Variants in MKX observed in about 807,000 individuals in gnomAD.
The protein encoded by MKX is homeobox protein Mohawk.
A neutral mutation model predicts 36.0 loss-of-function variants in MKX; 13 were observed. The observed-to-expected ratio is 0.36, with a 90% CI of 0.24 to 0.57. The LOEUF is 0.57. Ranked by LOEUF, MKX falls within the 20% of genes least tolerant of loss-of-function variation. MKX has a pLI of 0.79. For synonymous variants in MKX, 176 were observed against 178.3 expected (o/e 0.99, Z 0.10); for missense variants, 458 against 456.4 (o/e 1.00, Z -0.03).
intron 5 of MKX, among the ~76,000 whole-genome samples, chr10:27,696,031 T>G (rs1400008312): frequency 1.3e-5 from 2 of 152,200 alleles, no homozygotes; most frequent in African/African-American, 4.8e-5. Flanking sequence ...TCTTGTAGGA[T>G]TCATGCCTTT....
At chr10:27,734,382 A>C (rs1356983833) in intron 5 of MKX, 74 bp downstream of exon 5, 2 of 1,313,330 alleles carry the variant, frequency 1.5e-6, no homozygotes, top group South Asian at 2.7e-5. Flanking sequence ...CTGTTAAAAT[A>C]AATCCCTCTG....
chr10:27,705,080 G>A (rs1836725120), intron 5 of MKX, among the ~76,000 whole-genome samples: 1 of 152,066 alleles, frequency 6.6e-6, no homozygotes, highest in South Asian at 2.1e-4. Flanking sequence ...AACATACAGA[G>A]GTGCTCAGAC....
intron 5 of MKX, among the ~76,000 whole-genome samples, chr10:27,678,309 A>C (rs1430568229): frequency 6.6e-6 from 1 of 152,230 alleles, no homozygotes; most frequent in Admixed American, 6.5e-5. Flanking sequence ...AAAATGAGTT[A>C]GGCCTTTGCT....
At chr10:27,727,181 C>T (rs1406237877) in intron 5 of MKX, among the ~76,000 whole-genome samples, 1 of 152,206 alleles carries the variant, frequency 6.6e-6, no homozygotes, top group Non-Finnish European at 1.5e-5. Flanking sequence ...CCTAAAATAT[C>T]TGTACAGTTT....
chr10:27,721,561 T>A (rs1187681246), intron 5 of MKX, among the ~76,000 whole-genome samples: 1 of 152,004 alleles, frequency 6.6e-6, no homozygotes, highest in Non-Finnish European at 1.5e-5. Context: ...CTCTTATAAG[T>A]GGGAGCTGAA....
At chr10:27,706,244 T>C (rs1054170877) in intron 5 of MKX, among the ~76,000 whole-genome samples, 2 of 152,140 alleles carry the variant, frequency 1.3e-5, no homozygotes, top group African/African-American at 4.8e-5. Context: ...TATTCAAATA[T>C]ATATATATAT....
At chr10:27,684,702 C>T (rs1416729252) in intron 5 of MKX, among the ~76,000 whole-genome samples, 4 of 152,260 alleles carry the variant, frequency 2.6e-5, no homozygotes, top group South Asian at 2.1e-4. Context: ...CAGCTTCATC[C>T]AACTTAAACT....
At chr10:27,715,227 T>A (rs1010208710) in intron 5 of MKX, among the ~76,000 whole-genome samples, 1 of 151,654 alleles carries the variant, frequency 6.6e-6, no homozygotes, top group Admixed American at 6.6e-5. Context: ...GGACACTGTG[T>A]TATGTTGCTG....
intron 2 of MKX, 106 bp downstream of exon 2, chr10:27,743,122 C>T (rs1834946887): frequency 7.0e-6 from 8 of 1,138,350 alleles, no homozygotes; most frequent in East Asian, 3.2e-5. Context: ...GAACTCCGGG[C>T]CCTTTCCCGT....
chr10:27,700,036 A>C (rs935190306), intron 5 of MKX, among the ~76,000 whole-genome samples: 1 of 152,200 alleles, frequency 6.6e-6, no homozygotes, highest in Non-Finnish European at 1.5e-5. Flanking sequence ...AAACTTTTGG[A>C]GGGAATGACA....
Position 27,701,298 on chromosome 10 carries a change from C to T in MKX, c.839-25744G>A, listed in dbSNP as rs144117537. 2.7e-5 allele frequency among the ~76,000 whole-genome samples: 4 copies of T among 149,446 alleles called. No homozygotes were observed. In the East Asian group the frequency reaches 7.8e-4, roughly 29 times the overall value. The stretch of plus-strand genomic sequence containing the variant: ...TAAAGAACTGAAGCGGTGCACATCA[C>T]GGCACGCAGCGCATTCTCACGTGAT... On this transcript the variant is annotated intron_variant, in intron 5 of 6. Transcript: ENST00000419761.
intron 5 of MKX, among the ~76,000 whole-genome samples, chr10:27,701,812 T>C (rs1252629085): frequency 5.0e-5 from 2 of 39,778 alleles, no homozygotes; most frequent in East Asian, 1.6e-3. Flanking sequence ...ACAGTTATTT[T>C]GTGTGTGTGT....
intron 5 of MKX, among the ~76,000 whole-genome samples, chr10:27,732,000 T>A (rs577600080): frequency 3.6e-4 from 55 of 151,846 alleles, no homozygotes; most frequent in African/African-American, 1.3e-3. Flanking sequence ...CATTTTTTTT[T>A]ATTTGCCTAT....
At chr10:27,715,261 A>G (rs1321379165) in intron 5 of MKX, among the ~76,000 whole-genome samples, 1 of 152,176 alleles carries the variant, frequency 6.6e-6, no homozygotes, top group Non-Finnish European at 1.5e-5. Flanking sequence ...CTCTACAGAG[A>G]TGTTCAGTGT....
intron 4 of MKX, among the ~76,000 whole-genome samples, 189 bp from the exon 5 acceptor site, chr10:27,734,980 T>C (rs76079735): frequency 0.023 from 3,463 of 152,298 alleles, 143 homozygotes; most frequent in African/African-American, 0.079. Context: ...TTATGGTATT[T>C]TAATTTTAAT....
At chr10:27,739,053 C>A (rs957716521) in intron 3 of MKX, among the ~76,000 whole-genome samples, 1 of 152,114 alleles carries the variant, frequency 6.6e-6, no homozygotes, top group East Asian at 1.9e-4. Flanking sequence ...TTTAACAAAT[C>A]GTATGTGGAC....
intron 5 of MKX, among the ~76,000 whole-genome samples, chr10:27,710,474 A>G (rs1836831888): frequency 6.6e-6 from 1 of 152,148 alleles, no homozygotes; most frequent in Non-Finnish European, 1.5e-5. Context: ...CAATAGATCA[A>G]TCAGAGAGTA....
rs1347839075 is a variant in MKX, at chr10:27,744,230, A to G, written c.-82-733T>C. ...CGCGCCCCGGGAAGTGCATGGTCCT[A>G]AGGTCCAAGGCGCCAGGACCCAGGT... On this transcript the variant is annotated intron_variant, in intron 1 of 6. Coordinates refer to ENST00000419761, the MANE Select transcript of MKX (RefSeq NM_173576.3). This position sits in a 1 kb window ranked among gnomAD's most constrained non-coding sequence, Gnocchi z 5.6. Among the ~76,000 whole-genome samples the G allele has an allele frequency of 6.6e-6, 1 of 151,984 alleles. No individual in the cohort carries two copies. The highest frequency in any genetic ancestry group is 2.4e-5 in the African/African-American group (1 of 41,374).
intron 5 of MKX, among the ~76,000 whole-genome samples, chr10:27,711,499 TTTCCTTCCTTC>T (rs1446828235): frequency 1.4e-4 from 13 of 93,068 alleles, no homozygotes; most frequent in East Asian, 3.1e-4. Flanking sequence ...CTCTCTCTTC[TTTCCTTCCTTC>T]CTTCCTTCCT....
Sources: allele counts gnomAD v4.1 joint callset (sites outside exome capture counted in the v4.1 genomes callset), GRCh38; gene constraint gnomAD v4.1.1; non-coding constraint Gnocchi (gnomAD v3.1); transcripts MANE v1.5; gene names NCBI Gene and HGNC (gene_info 2026-07-23, HGNC 2026-07-21).